Variants in HPSE2 observed in about 807,000 individuals in gnomAD.
The protein encoded by HPSE2 is inactive heparanase-2.
In HPSE2, 38 loss-of-function variants were observed where a neutral mutation model predicts 60.5. That is an observed-to-expected ratio of 0.63 (90% CI 0.48 to 0.82). HPSE2 has a LOEUF of 0.82. HPSE2 is among the 40% of genes least tolerant of loss of function. The pLI is 0.00. For synonymous variants in HPSE2, 295 were observed against 293.2 expected (o/e 1.01, Z -0.06); for missense variants, 713 against 740.4 (o/e 0.96, Z 0.43).
intron 3 of HPSE2, among the ~76,000 whole-genome samples, chr10:98,830,107 C>T (rs375459795): frequency 1.2e-4 from 18 of 152,236 alleles, no homozygotes; most frequent in Middle Eastern, 3.4e-3. Context: ...CATTCACTCA[C>T]TCATTCATTC....
At chr10:98,715,036 C>A (rs1948759042) in intron 5 of HPSE2, among the ~76,000 whole-genome samples, 1 of 151,780 alleles carries the variant, frequency 6.6e-6, no homozygotes, top group Non-Finnish European at 1.5e-5. Flanking sequence ...GGTAATTTGT[C>A]TTTTCATTGT....
At chr10:98,526,246 TAGATAG>T (rs1345976563) in intron 9 of HPSE2, among the ~76,000 whole-genome samples, 1 of 152,230 alleles carries the variant, frequency 6.6e-6, no homozygotes, top group Non-Finnish European at 1.5e-5. Context: ...AAGGAAGGTC[TAGATAG>T]AATCTTTGTC....
the HPSE2 span, among the ~76,000 whole-genome samples, chr10:99,302,077 G>A: frequency 7.9e-5 from 12 of 152,014 alleles, no homozygotes; most frequent in East Asian, 2.3e-3. Flanking sequence ...GAGAAGAGTA[G>A]CTTTACACAT....
the HPSE2 span, among the ~76,000 whole-genome samples, chr10:99,257,662 T>C: frequency 6.6e-6 from 1 of 152,338 alleles, no homozygotes; most frequent in African/African-American, 2.4e-5. Flanking sequence ...CCTGGTCCTG[T>C]GGTCCTGTGA....
At chr10:98,959,647 C>T (rs1955599349) in intron 3 of HPSE2, among the ~76,000 whole-genome samples, 1 of 152,134 alleles carries the variant, frequency 6.6e-6, no homozygotes, top group Non-Finnish European at 1.5e-5. Flanking sequence ...ATTTCCAGTA[C>T]ATAAACTTCA....
intron 3 of HPSE2, among the ~76,000 whole-genome samples, chr10:98,804,438 A>C (rs1314487840): frequency 1.3e-5 from 2 of 152,132 alleles, no homozygotes; most frequent in Non-Finnish European, 1.5e-5. Context: ...CTACAGGAAA[A>C]AATCTAAAAA....
intron 3 of HPSE2, among the ~76,000 whole-genome samples, chr10:99,116,653 T>C (rs1188736990): frequency 6.6e-6 from 1 of 152,152 alleles, no homozygotes; most frequent in Non-Finnish European, 1.5e-5. Context: ...CAGCCAGTTG[T>C]TGAACTTCTA....
At chr10:98,618,943 C>T (rs1040952842) in intron 8 of HPSE2, among the ~76,000 whole-genome samples, 5 of 152,164 alleles carry the variant, frequency 3.3e-5, no homozygotes, top group African/African-American at 7.2e-5. Flanking sequence ...CCACTTCATG[C>T]ATTTGAACCA....
intron 9 of HPSE2, among the ~76,000 whole-genome samples, chr10:98,573,049 C>T (rs561268021): frequency 1.7e-4 from 26 of 152,276 alleles, no homozygotes; most frequent in African/African-American, 5.8e-4. Flanking sequence ...AGAAAGGGCA[C>T]TAGATTTGGG....
intron 2 of HPSE2, among the ~76,000 whole-genome samples, chr10:99,208,182 C>T (rs981477559): frequency 2.6e-5 from 4 of 151,418 alleles, no homozygotes; most frequent in Non-Finnish European, 5.9e-5. Context: ...GAAAGCAAAA[C>T]GATGGACAAA....
chr10:98,757,921 A>G (rs189033814), intron 3 of HPSE2, among the ~76,000 whole-genome samples: 1 of 152,270 alleles, frequency 6.6e-6, no homozygotes, highest in Admixed American at 6.5e-5. Context: ...GAGGCATCAC[A>G]TTACCTGACT....
rs115461588 is a variant in HPSE2, at chr10:98,815,569, C to T, written c.611-71513G>A. Among the ~76,000 whole-genome samples, 557 of 152,256 alleles carry T rather than the reference C, an allele frequency of 3.7e-3. 5 individuals carry two copies. Among genetic ancestry groups the T allele is most frequent in the African/African-American group, 0.013 (529 of 41,558 alleles). On this transcript the variant is annotated intron_variant, in intron 3 of 11. Coordinates refer to ENST00000370552, the MANE Select transcript of HPSE2 (RefSeq NM_021828.5). ...TGCCCTGGTAAATTTCCTATGCTTC[C>T]TGTTGGGAACCTGAAAGGATGCAAC...
chr10:98,516,968 T>C (rs918242699), intron 9 of HPSE2, among the ~76,000 whole-genome samples: 5 of 152,226 alleles, frequency 3.3e-5, no homozygotes, highest in Admixed American at 2.0e-4. Context: ...TGCTTTTCAC[T>C]AGGATTGTCA....
At chr10:99,023,294 T>C (rs1358684412) in intron 3 of HPSE2, among the ~76,000 whole-genome samples, 2 of 152,032 alleles carry the variant, frequency 1.3e-5, no homozygotes, top group East Asian at 1.9e-4. Context: ...TGGGAAGAAC[T>C]GCATCTTGTA....
chr10:98,474,560 T>C (rs1277394568), intron 11 of HPSE2, among the ~76,000 whole-genome samples: 3 of 152,232 alleles, frequency 2.0e-5, no homozygotes, highest in African/African-American at 7.2e-5. Context: ...CCAATGTTTT[T>C]CTTTGATATA....
intron 3 of HPSE2, among the ~76,000 whole-genome samples, chr10:99,037,186 G>C (rs10883251): frequency 0.62 from 94,864 of 151,894 alleles, 31,007 homozygotes; most frequent in East Asian, 0.77. Flanking sequence ...GAAGAAAAGA[G>C]CAAGGAATTA....
chr10:98,951,865 T>A (rs1955366264), intron 3 of HPSE2, among the ~76,000 whole-genome samples: 1 of 152,170 alleles, frequency 6.6e-6, no homozygotes, highest in African/African-American at 2.4e-5. Context: ...GCTTAACAGA[T>A]TATCCAACTA....
intron 3 of HPSE2, among the ~76,000 whole-genome samples, chr10:98,872,121 T>C (rs901544928): frequency 3.9e-5 from 6 of 152,052 alleles, no homozygotes; most frequent in Admixed American, 3.3e-4. Context: ...TATGGACTAG[T>C]ACTAAATACT....
chr10:98,743,970 T>C lies in HPSE2; in HGVS notation c.697A>G (p.Asn233Asp). Residue 233 changes from asparagine to aspartate, a missense_variant, in exon 4 of 12, where the codon AAT becomes GAT. Physicochemically the swap from Asn to Asp is conservative, Grantham distance 23. Coordinates refer to ENST00000370552, the MANE Select transcript of HPSE2 (RefSeq NM_021828.5). ...GCACTAGAACTGTTCCAGGAGTTATTGGGATTACGACGCAGTGCATTTAGA... is the reference window on the plus strand; with the variant it reads ...GCACTAGAACTGTTCCAGGAGTTATCGGGATTACGACGCAGTGCATTTAGA... ...FALNALRRNP[N>D]NSWNSSSALS... 7 of 1,614,120 alleles carry C rather than the reference T, an allele frequency of 4.3e-6. No homozygotes were observed. The highest frequency in any genetic ancestry group is 5.9e-6 in the Non-Finnish European group (7 of 1,179,970).
Sources: gnomAD v4.1 joint callset for allele counts (sites outside exome capture counted in the v4.1 genomes callset) on GRCh38, gnomAD v4.1.1 for gene constraint, MANE v1.5 for transcripts, NCBI Gene and HGNC (gene_info 2026-07-23, HGNC 2026-07-21) for gene names.